PLEKHA6: variants seen among roughly 807,000 people sequenced by gnomAD.
PLEKHA6 encodes the protein pleckstrin homology domain containing A6, also known as pleckstrin homology domain-containing family A member 6.
A neutral mutation model predicts 116.7 loss-of-function variants in PLEKHA6; 60 were observed. That is an observed-to-expected ratio of 0.51 (90% CI 0.42 to 0.64). The LOEUF is 0.64. Among genes scored for constraint, PLEKHA6 ranks in the 30% least tolerant of loss-of-function variants. PLEKHA6 has a pLI of 0.00. For missense variants in PLEKHA6, 1,338 were observed against 1,422.7 expected, an observed-to-expected ratio of 0.94 and a Z score of 0.96; for synonymous variants, 489 against 556.1, an observed-to-expected ratio of 0.88 and a Z score of 1.70.
At position 204,261,313 on chromosome 1, in the gene PLEKHA6, G is replaced by A. The variant is rs141581226; in HGVS notation, c.517C>T (p.Arg173Trp). The change falls in exon 7 of 23, where the codon CGG (arginine) becomes TGG (tryptophan). Residue 173 changes from arginine to tryptophan, a missense_variant. By Grantham distance (101) the Arg-to-Trp change is moderately radical. Around this residue, in one of 3 missense-constraint regions of PLEKHA6, gnomAD observed 140 missense variants for 197.4 expected, o/e 0.71. Transcript: ENST00000272203. This position sits in a 1 kb window ranked among gnomAD's most constrained non-coding sequence, Gnocchi z 4.0. Reference sequence around the variant, plus strand: ...CAATTCCCTGGCACTCACCTGTGCCGCACAGCTTGGGGCACTGACTTCTGG... The same window carrying A: ...CAATTCCCTGGCACTCACCTGTGCCACACAGCTTGGGGCACTGACTTCTGG... ...PAQKSVPQAV[R>W]HSHEKPDSEN... The A allele has an allele frequency of 1.8e-3, 2,967 of 1,614,096 alleles. 8 individuals are homozygous for A. The highest frequency in any genetic ancestry group is 0.016 in the Middle Eastern group (97 of 6,062).
At chr1:204,280,668 G>A (rs530853134) in intron 1 of PLEKHA6, among the ~76,000 whole-genome samples, 4 of 152,302 alleles carry the variant, frequency 2.6e-5, no homozygotes, top group East Asian at 1.9e-4. Flanking sequence ...ATTCCAAGCC[G>A]AGACTGTCCA....
intron 1 of PLEKHA6, among the ~76,000 whole-genome samples, chr1:204,327,541 T>C (rs758412087): frequency 3.9e-5 from 6 of 152,250 alleles, no homozygotes; most frequent in Non-Finnish European, 8.8e-5. Context: ...CCGTCGTTGA[T>C]TGGCACCTTG....
chr1:204,307,197 C>T (rs191993648), intron 1 of PLEKHA6: 38 of 152,356 alleles, frequency 2.5e-4, no homozygotes, highest in African/African-American at 8.9e-4. Context: ...CTCTCACACA[C>T]TCACACTCAT....
chr1:204,305,445 C>T (rs1185833621), intron 1 of PLEKHA6, among the ~76,000 whole-genome samples: 1 of 152,130 alleles, frequency 6.6e-6, no homozygotes, highest in Admixed American at 6.5e-5. Context: ...ATATTTTTCC[C>T]ATCTTCCCTA....
chr1:204,317,863 A>G (rs901221996), intron 1 of PLEKHA6, among the ~76,000 whole-genome samples: 1 of 152,198 alleles, frequency 6.6e-6, no homozygotes, highest in Non-Finnish European at 1.5e-5. Context: ...TAATCTTTCT[A>G]TGCTTCCATT....
At chr1:204,281,237 C>G (rs1029022832) in intron 1 of PLEKHA6, 2 of 152,064 alleles carry the variant, frequency 1.3e-5, no homozygotes, top group African/African-American at 4.8e-5. Flanking sequence ...AACAAACAAA[C>G]AAAAAAGGCC....
At chr1:204,375,678 T>C (rs549532617) in intron 1 of PLEKHA6, among the ~76,000 whole-genome samples, 76 of 152,208 alleles carry the variant, frequency 5.0e-4, no homozygotes, top group African/African-American at 1.7e-3. Context: ...CTCGATGATG[T>C]CAAGTCCCAG....
chr1:204,320,877 C>T (rs553654577), intron 1 of PLEKHA6, among the ~76,000 whole-genome samples: 4 of 152,298 alleles, frequency 2.6e-5, no homozygotes, highest in Non-Finnish European at 5.9e-5. Context: ...GCAAAGCCTG[C>T]CTGATCTCTT....
intron 1 of PLEKHA6, chr1:204,275,647 A>G (rs892954443): frequency 1.1e-6 from 1 of 940,804 alleles, no homozygotes; most frequent in Admixed American, 6.2e-5. Context: ...ACAGTTCCCC[A>G]GGAGGCTCTC....
intron 21 of PLEKHA6, among the ~76,000 whole-genome samples, chr1:204,224,499 C>G (rs917379891): frequency 2.0e-5 from 3 of 151,844 alleles, no homozygotes; most frequent in Non-Finnish European, 2.9e-5. Flanking sequence ...CCTCGTCCCC[C>G]ACCCTACCCT....
At chr1:204,244,436 CGT>C (rs1216310415) in intron 15 of PLEKHA6, among the ~76,000 whole-genome samples, 1 of 152,020 alleles carries the variant, frequency 6.6e-6, no homozygotes, top group Non-Finnish European at 1.5e-5. Context: ...CACCCTGCCA[CGT>C]GTGTATCTTT....
rs148742894 is a variant in PLEKHA6 at position 204,364,967 on chromosome 1, G to A, written c.218+2832C>T. On this transcript the variant is annotated intron_variant, in intron 3 of 4. Transcript: ENST00000564627. The stretch of plus-strand genomic sequence containing the variant: ...AACTACCATACACGGACACATCCCT[G>A]AAGAAGTGACATCATGGGCAGGGCT... Among the ~76,000 whole-genome samples the A allele has an allele frequency of 4.2e-3, 646 of 152,282 alleles. 2 individuals are homozygous for A. The highest frequency in any genetic ancestry group is 0.015 in the African/African-American group (612 of 41,546).
chr1:204,324,913 T>A (rs1183330439), intron 1 of PLEKHA6, among the ~76,000 whole-genome samples: 1 of 151,992 alleles, frequency 6.6e-6, no homozygotes, highest in East Asian at 1.9e-4. Context: ...TACAGAATTT[T>A]ATTTATTTAT....
rs1014043593 is a variant in PLEKHA6, at chr1:204,219,155, T to C, written c.*3633A>G. On this transcript the variant is annotated 3_prime_UTR_variant, in exon 23 of 23. Transcript: ENST00000272203. ...AAAGACACTGAGATAATAAATTTCCTTGTACAGTTTATTGTCTAATACTAG... is the reference window on the plus strand; with the variant it reads ...AAAGACACTGAGATAATAAATTTCCCTGTACAGTTTATTGTCTAATACTAG... The C allele has an allele frequency of 7.2e-5, 11 of 152,538 alleles. No homozygotes were observed. Among genetic ancestry groups the C allele is most frequent in the Non-Finnish European group, 1.6e-4 (11 of 68,026 alleles). 9.4% of individuals were successfully genotyped at this position (152,538 alleles called of 1,614,324 possible). A position where few individuals can be genotyped will look rare whatever the true frequency, so the allele number is the denominator to read the frequency against.
In PLEKHA6 at chr1:204,222,742, G is replaced by A. The variant is rs1432004175; in HGVS notation, c.*46C>T. ...GAGGACGGCTTCAGAATGTGGCTCT[G>A]TGGAGCTTCACAGCATTGGCCTCAG... On this transcript the variant is annotated 3_prime_UTR_variant, in exon 23 of 23. Coordinates refer to ENST00000272203, the MANE Select transcript of PLEKHA6 (RefSeq NM_014935.5). The A allele has an allele frequency of 1.3e-5, 2 of 152,928 alleles. No homozygotes were observed. Among genetic ancestry groups the A allele is most frequent in the African/African-American group, 4.8e-5 (2 of 41,466 alleles). The allele number at this position is 152,928 out of a possible 1,614,324, so 9.5% of individuals were successfully genotyped here. A position where few individuals can be genotyped will look rare whatever the true frequency, so the allele number is the denominator to read the frequency against.
intron 17 of PLEKHA6, among the ~76,000 whole-genome samples, chr1:204,234,524 G>A (rs915191217): frequency 6.6e-5 from 10 of 152,106 alleles, no homozygotes; most frequent in Non-Finnish European, 1.2e-4. Flanking sequence ...TTTCATCAAC[G>A]CACATTATGA....
intron 1 of PLEKHA6, among the ~76,000 whole-genome samples, chr1:204,302,759 C>T (rs1188978189): frequency 3.9e-5 from 6 of 152,114 alleles, no homozygotes; most frequent in South Asian, 2.1e-4. Context: ...GCCTGTAATC[C>T]CAGCTGCTTG....
chr1:204,373,694 T>C (rs1465290750), intron 1 of PLEKHA6, among the ~76,000 whole-genome samples: 1 of 152,222 alleles, frequency 6.6e-6, no homozygotes, highest in African/African-American at 2.4e-5. Context: ...TATGAACATT[T>C]GTGTACTAGT....
chr1:204,236,300 G>C (rs1330262745), intron 17 of PLEKHA6, among the ~76,000 whole-genome samples: 7 of 152,212 alleles, frequency 4.6e-5, no homozygotes, highest in African/African-American at 7.2e-5. Flanking sequence ...GAGCGAGATG[G>C]AAATGCCTGA....
Sources: gnomAD v4.1 joint callset for allele counts (sites outside exome capture counted in the v4.1 genomes callset) on GRCh38, gnomAD v4.1.1 for gene constraint, gnomAD v4.1.1 regional missense constraint, Gnocchi (gnomAD v3.1) non-coding constraint, MANE v1.5 for transcripts, NCBI Gene and HGNC (gene_info 2026-07-23, HGNC 2026-07-21) for gene names.